Variants in DACH2 observed in about 807,000 individuals in gnomAD.
DACH2 encodes dachshund family transcription factor 2, also known as dachshund homolog 2.
Under a neutral mutation model 35.8 loss-of-function variants are expected in DACH2, and 17 were observed. That is an observed-to-expected ratio of 0.48 (90% CI 0.33 to 0.71). DACH2 has a LOEUF of 0.71. DACH2 is among the 30% of genes least tolerant of loss of function. The pLI, the probability that DACH2 is intolerant of heterozygous loss-of-function variation, is 0.02. For synonymous variants in DACH2, 195 were observed against 177.3 expected, an observed-to-expected ratio of 1.10 and a Z score of -0.79; for missense variants, 469 against 472.7, an observed-to-expected ratio of 0.99 and a Z score of 0.07.
intron 7 of DACH2, among the ~76,000 whole-genome samples, chrX:86,806,195 C>T (rs957437151): frequency 1.8e-5 from 2 of 111,189 alleles, no homozygotes; most frequent in Non-Finnish European, 3.8e-5. Context: ...GTACAGGAAT[C>T]GTGATGCTGG....
chrX:86,236,096 C>A (rs1331298197), intron 1 of DACH2, among the ~76,000 whole-genome samples: 2 of 108,133 alleles, frequency 1.8e-5, no homozygotes, highest in Non-Finnish European at 3.8e-5. Flanking sequence ...CGTGCCACTG[C>A]ACTCCAGCCT....
chrX:86,482,898 C>T (rs1182248481), intron 2 of DACH2, among the ~76,000 whole-genome samples: 1 of 103,456 alleles, frequency 9.7e-6, no homozygotes, highest in Admixed American at 1.1e-4. Flanking sequence ...GAACAAAAAA[C>T]CAAACACTGC....
chrX:86,717,177 C>G (rs1342653005), intron 6 of DACH2, among the ~76,000 whole-genome samples: 1 of 111,288 alleles, frequency 9.0e-6, no homozygotes, highest in African/African-American at 3.3e-5. Context: ...TTTTGGGTAT[C>G]CATTATCCAA....
chrX:86,703,193 G>GAA (rs111320638), intron 5 of DACH2, among the ~76,000 whole-genome samples: 3 of 108,569 alleles, frequency 2.8e-5, no homozygotes, highest in African/African-American at 1.0e-4. Flanking sequence ...AATAAATGCA[G>GAA]AAAAAAATTC....
chrX:86,517,224 T>A (rs1387468185), intron 3 of DACH2, among the ~76,000 whole-genome samples: 1 of 111,570 alleles, frequency 9.0e-6, no homozygotes, highest in East Asian at 2.8e-4. Flanking sequence ...GTTTTTTGAC[T>A]TTTTAGTAAT....
At chrX:86,396,401 C>A (rs1340917160) in intron 2 of DACH2, among the ~76,000 whole-genome samples, 112 of 95,202 alleles carry the variant, frequency 1.2e-3, no homozygotes, top group Non-Finnish European at 9.6e-4. Context: ...AATTAGATCC[C>A]ATTTGTCAAT....
intron 1 of DACH2, among the ~76,000 whole-genome samples, chrX:86,324,818 C>A (rs973859027): frequency 9.2e-6 from 1 of 108,843 alleles, no homozygotes; most frequent in Non-Finnish European, 1.9e-5. Context: ...ACCTCGTGAG[C>A]CACTGTTGTC....
intron 4 of DACH2, among the ~76,000 whole-genome samples, chrX:86,674,505 C>A (rs909014730): frequency 1.8e-5 from 2 of 112,277 alleles, no homozygotes; most frequent in African/African-American, 6.5e-5. Flanking sequence ...TGATATTTTA[C>A]AGCTGAATGG....
chrX:86,187,459 C>A lies in DACH2; in HGVS notation c.488+38351C>A, dbSNP rs1314158881. Among the ~76,000 whole-genome samples, 3 of 105,783 alleles carry A rather than the reference C, an allele frequency of 2.8e-5. No individual in the cohort carries two copies. In the East Asian group the frequency reaches 8.8e-4, roughly 31 times the overall value. 91.9% of individuals were successfully genotyped at this position (105,783 alleles called of 115,157 possible). A position where few individuals can be genotyped will look rare whatever the true frequency, so the allele number is the denominator to read the frequency against. On this transcript the variant is annotated intron_variant, in intron 1 of 11. Transcript: ENST00000373125. ...TCGAGATGGAGTCTCACTCTGTCAC[C>A]CAGGCTAGAGGACAGTGGTGGGATC...
intron 5 of DACH2, among the ~76,000 whole-genome samples, chrX:86,700,619 A>C (rs1214220534): frequency 2.7e-5 from 3 of 111,346 alleles, no homozygotes; most frequent in African/African-American, 9.8e-5. Context: ...CAAAGATACA[A>C]AAGAGAGAAA....
chrX:86,337,480 C>T (rs1320860305), intron 1 of DACH2, among the ~76,000 whole-genome samples: 1 of 111,745 alleles, frequency 8.9e-6, no homozygotes, highest in African/African-American at 3.3e-5. Flanking sequence ...CCAAACTAAG[C>T]TTCATAAGTG....
chrX:86,191,017 A>G (rs980206715), intron 1 of DACH2, among the ~76,000 whole-genome samples: 1 of 112,335 alleles, frequency 8.9e-6, no homozygotes, highest in East Asian at 2.8e-4. Flanking sequence ...GAACACTAAT[A>G]CACTGTTCAT....
chrX:86,343,413 G>A (rs750505816), intron 1 of DACH2, among the ~76,000 whole-genome samples: 28 of 111,724 alleles, frequency 2.5e-4, no homozygotes, highest in Non-Finnish European at 4.7e-4. Context: ...ACTGGTCTGA[G>A]TATGTTTATG....
At chrX:86,572,043 T>C (rs2039377272) in intron 3 of DACH2, among the ~76,000 whole-genome samples, 1 of 110,910 alleles carries the variant, frequency 9.0e-6, no homozygotes, top group Admixed American at 9.7e-5. Context: ...CAAAGTTCAA[T>C]GAGAACACTT....
intron 4 of DACH2, among the ~76,000 whole-genome samples, chrX:86,665,265 C>T (rs7879871): frequency 0.04 from 4,432 of 111,741 alleles, 221 homozygotes; most frequent in African/African-American, 0.14. Context: ...CATTCTCTAG[C>T]AACATCTTGT....
At chrX:86,346,109 C>T (rs951459451) in intron 1 of DACH2, among the ~76,000 whole-genome samples, 1 of 111,037 alleles carries the variant, frequency 9.0e-6, no homozygotes, top group Non-Finnish European at 1.9e-5. Context: ...AGAAGACATT[C>T]CTCTTTCTTT....
At chrX:86,261,460 A>C (rs2033623644) in intron 1 of DACH2, among the ~76,000 whole-genome samples, 1 of 111,913 alleles carries the variant, frequency 8.9e-6, no homozygotes, top group African/African-American at 3.2e-5. Flanking sequence ...TTTTCTCTTT[A>C]TCTTTTCCTT....
chrX:86,188,660 G>A lies in DACH2; in HGVS notation c.488+39552G>A, dbSNP rs1043322081. Among the ~76,000 whole-genome samples the A allele has an allele frequency of 1.8e-4, 20 of 112,108 alleles. No homozygotes were observed. In the Admixed American group the frequency reaches 1.9e-3, roughly 11 times the overall value. ...GACCAAACTAGGAGGGACAGAGTCA[G>A]TAGCAGGAGATGTGACAATGGAAGC... On this transcript the variant is annotated intron_variant, in intron 1 of 11. Transcript: ENST00000373125.
At chrX:86,599,478 C>CTTTCTTTT in intron 3 of DACH2, among the ~76,000 whole-genome samples, 1 of 83,400 alleles carries the variant, frequency 1.2e-5, no homozygotes, top group African/African-American at 4.6e-5. Context: ...TTCTTTCTTT[C>CTTTCTTTT]TTTCTTTCTT....
Sources: allele counts gnomAD v4.1 joint callset (sites outside exome capture counted in the v4.1 genomes callset), GRCh38; gene constraint gnomAD v4.1.1; transcripts MANE v1.5; gene names NCBI Gene and HGNC (gene_info 2026-07-23, HGNC 2026-07-21).